SPAG16: variants seen among roughly 807,000 people sequenced by gnomAD.
SPAG16 encodes sperm-associated antigen 16 protein.
Under a neutral mutation model 80.4 loss-of-function variants are expected in SPAG16, and 86 were observed. The observed-to-expected ratio is 1.07, with a 90% CI of 0.90 to 1.28. The LOEUF (loss-of-function observed/expected upper bound fraction) is 1.28. Among genes scored for constraint, SPAG16 ranks in the 50% most tolerant of loss-of-function variants. The probability of loss-of-function intolerance (pLI) is 0.00; values close to 1 mark genes in which losing one functional copy is unlikely to be tolerated. For missense variants in SPAG16, 870 were observed against 765.3 expected (o/e 1.14, Z -1.61); for synonymous variants, 294 against 265.9 (o/e 1.11, Z -1.03).
At position 213,818,444 on chromosome 2, in the gene SPAG16, C is replaced by A. The variant is rs1582840; in HGVS notation, c.1071-44041C>A. On this transcript the variant is annotated intron_variant, in intron 10 of 15. Coordinates refer to ENST00000331683, the MANE Select transcript of SPAG16 (RefSeq NM_024532.5). ...TTCCTGAAGTCTCTCACTTTCCTGT[C>A]CCCTATGAAGAGTGTATATGAGCCT... 2.5e-4 allele frequency among the ~76,000 whole-genome samples: 38 copies of A among 152,266 alleles called. No individual in the cohort carries two copies. The East Asian group carries it at 4.4e-3, about 18-fold the overall frequency.
chr2:213,422,089 G>A (rs1445042878), intron 9 of SPAG16: 2 of 652,322 alleles, frequency 3.1e-6, no homozygotes, highest in East Asian at 2.7e-5. Context: ...GACTAAAAGA[G>A]CTGTAACCCA....
At chr2:213,781,497 C>T (rs1386350165) in intron 10 of SPAG16, among the ~76,000 whole-genome samples, 1 of 152,048 alleles carries the variant, frequency 6.6e-6, no homozygotes, top group East Asian at 1.9e-4. Context: ...TTCTCCTAAC[C>T]CCTCCCCTGC....
chr2:213,840,069 A>G (rs902503857), intron 10 of SPAG16, among the ~76,000 whole-genome samples: 1 of 152,174 alleles, frequency 6.6e-6, no homozygotes, highest in South Asian at 2.1e-4. Flanking sequence ...AAAGCAGGCC[A>G]TTTCTGAAAA....
intron 4 of SPAG16, among the ~76,000 whole-genome samples, chr2:213,311,586 C>T (rs1396568131): frequency 1.3e-5 from 2 of 151,632 alleles, no homozygotes; most frequent in African/African-American, 4.8e-5. Flanking sequence ...ACTAAGCATA[C>T]TAGTCATAAG....
intron 15 of SPAG16, among the ~76,000 whole-genome samples, chr2:214,328,492 T>TGAAG (rs1696657306): frequency 6.6e-6 from 1 of 152,168 alleles, no homozygotes; most frequent in African/African-American, 2.4e-5. Flanking sequence ...AAATTTTGGT[T>TGAAG]GAAGGACATT....
At chr2:213,579,666 GTA>G (rs2060238802) in intron 10 of SPAG16, among the ~76,000 whole-genome samples, 1 of 151,896 alleles carries the variant, frequency 6.6e-6, no homozygotes, top group South Asian at 2.1e-4. Flanking sequence ...GTTCTTTTTT[GTA>G]TAATCAATTT....
At chr2:213,360,119 C>T in intron 7 of SPAG16, among the ~76,000 whole-genome samples, 1 of 152,110 alleles carries the variant, frequency 6.6e-6, no homozygotes, top group East Asian at 1.9e-4. Context: ...CTATTGCTGC[C>T]ACTGAGCTGT....
At chr2:214,085,262 C>T (rs2051646811) in intron 13 of SPAG16, among the ~76,000 whole-genome samples, 1 of 151,804 alleles carries the variant, frequency 6.6e-6, no homozygotes, top group African/African-American at 2.4e-5. Flanking sequence ...GTCCCAGCTG[C>T]TCGAGAGGCT....
intron 15 of SPAG16, among the ~76,000 whole-genome samples, chr2:214,303,993 A>G (rs1694740050): frequency 6.6e-6 from 1 of 152,022 alleles, no homozygotes; most frequent in Non-Finnish European, 1.5e-5. Flanking sequence ...ATTTTTCCTG[A>G]TCTTCTCTCT....
intron 11 of SPAG16, among the ~76,000 whole-genome samples, chr2:213,881,619 G>A (rs960699377): frequency 4.6e-5 from 7 of 152,160 alleles, no homozygotes; most frequent in Non-Finnish European, 7.3e-5. Context: ...CCACAAGGCG[G>A]CAGGAAGGAG....
At chr2:214,017,427 T>C (rs541033904) in intron 13 of SPAG16, among the ~76,000 whole-genome samples, 1 of 152,306 alleles carries the variant, frequency 6.6e-6, no homozygotes, top group Non-Finnish European at 1.5e-5. Flanking sequence ...CTAAATTCTA[T>C]TGACTTCAAG....
At chr2:214,042,885 A>T (rs2049112948) in intron 13 of SPAG16, among the ~76,000 whole-genome samples, 1 of 152,124 alleles carries the variant, frequency 6.6e-6, no homozygotes, top group African/African-American at 2.4e-5. Flanking sequence ...CTTTGTTAGT[A>T]TAGTGGGTTA....
intron 10 of SPAG16, among the ~76,000 whole-genome samples, chr2:213,552,400 T>TCA (rs1284293515): frequency 3.2e-4 from 49 of 152,306 alleles, no homozygotes; most frequent in Middle Eastern, 3.4e-3. Flanking sequence ...CTGCTAGAAT[T>TCA]CTATCACTAA....
chr2:214,336,612 G>T (rs1258602181), intron 15 of SPAG16, among the ~76,000 whole-genome samples: 1 of 151,910 alleles, frequency 6.6e-6, no homozygotes, highest in South Asian at 2.1e-4. Context: ...TTTGGAGAAG[G>T]CTCATTAAAG....
Position 213,891,666 on chromosome 2 carries a change from T to C in SPAG16, c.1214+29038T>C, listed in dbSNP as rs563912496. ...CCTAACAGAAAGCCGAAAACAAATA[T>C]ACAATGCCAAGATTATCACCAGAAA... On this transcript the variant is annotated intron_variant, in intron 11 of 15. Coordinates refer to ENST00000331683, the MANE Select transcript of SPAG16 (RefSeq NM_024532.5). Among the ~76,000 whole-genome samples the C allele has an allele frequency of 1.6e-4, 24 of 152,094 alleles. No homozygotes were observed. The South Asian group carries it at 2.7e-3, about 17-fold the overall frequency.
intron 10 of SPAG16, among the ~76,000 whole-genome samples, chr2:213,732,727 G>A (rs1574973222): frequency 6.6e-6 from 1 of 152,206 alleles, no homozygotes; most frequent in Middle Eastern, 3.4e-3. Flanking sequence ...TTTTCCATTT[G>A]CTTGTGTTAT....
At chr2:214,081,091 A>C (rs1329249434) in intron 13 of SPAG16, among the ~76,000 whole-genome samples, 1 of 151,020 alleles carries the variant, frequency 6.6e-6, no homozygotes, top group Non-Finnish European at 1.5e-5. Context: ...ATGTACATAA[A>C]AATATAATAT....
intron 15 of SPAG16, among the ~76,000 whole-genome samples, chr2:214,360,492 A>G (rs918361878): frequency 2.6e-5 from 4 of 151,978 alleles, no homozygotes; most frequent in East Asian, 1.9e-4. Context: ...ACAAAATTCT[A>G]TAGTTTACCA....
chr2:214,135,713 C>G (rs1164207187), intron 14 of SPAG16, among the ~76,000 whole-genome samples: 3 of 141,218 alleles, frequency 2.1e-5, no homozygotes, highest in Non-Finnish European at 4.6e-5. Context: ...CTCTCTCTCT[C>G]TGTCTCTCTG....
Sources: gnomAD v4.1 joint callset for allele counts (sites outside exome capture counted in the v4.1 genomes callset) on GRCh38, gnomAD v4.1.1 for gene constraint, MANE v1.5 for transcripts, NCBI Gene and HGNC (gene_info 2026-07-23, HGNC 2026-07-21) for gene names.